JAK2: variants seen among roughly 807,000 people sequenced by gnomAD.
The protein encoded by JAK2 is Janus kinase 2.
Under a neutral mutation model 139.3 loss-of-function variants are expected in JAK2, and 86 were observed. The ratio of observed to expected loss-of-function variants is 0.62; its 90% CI spans 0.52 to 0.74. JAK2 has a LOEUF of 0.74. Among genes scored for constraint, JAK2 ranks in the 30% least tolerant of loss-of-function variants. The probability of loss-of-function intolerance (pLI) is 0.00; values close to 1 mark genes in which losing one functional copy is unlikely to be tolerated. For synonymous variants in JAK2, 490 were observed against 437.7 expected, an observed-to-expected ratio of 1.12 and a Z score of -1.49; for missense variants, 1,421 against 1,360.3, an observed-to-expected ratio of 1.04 and a Z score of -0.70.
chr9:5,057,794 G>A (rs1336682863), intron 8 of JAK2, among the ~76,000 whole-genome samples: 1 of 151,842 alleles, frequency 6.6e-6, no homozygotes, highest in Non-Finnish European at 1.5e-5. Context: ...TGTTGGCCAG[G>A]TTGGTCTTGA....
At chr9:5,001,054 T>C (rs1483694922) in intron 2 of JAK2, among the ~76,000 whole-genome samples, 2 of 152,236 alleles carry the variant, frequency 1.3e-5, no homozygotes, top group Non-Finnish European at 2.9e-5. Flanking sequence ...TTTTGTGATG[T>C]ATCCTGTGAT....
At chr9:5,098,869 T>C (rs537703734) in intron 22 of JAK2, 2 of 152,234 alleles carry the variant, frequency 1.3e-5, no homozygotes, top group Non-Finnish European at 2.9e-5. Flanking sequence ...AATTTTTTTG[T>C]ATTTTTAGTA....
upstream of JAK2, chr9:4,984,981 G>C (rs1414499768): frequency 1.3e-5 from 2 of 152,346 alleles, no homozygotes; most frequent in Non-Finnish European, 2.9e-5. Context: ...GCTGCCCTGC[G>C]TGGCCCGCGC....
chr9:5,063,290 A>G (rs1417845917), intron 8 of JAK2, among the ~76,000 whole-genome samples: 1 of 152,210 alleles, frequency 6.6e-6, no homozygotes, highest in East Asian at 1.9e-4. Context: ...AGAACTCTGT[A>G]AAGTAGTGGA....
intron 5 of JAK2, among the ~76,000 whole-genome samples, chr9:5,050,477 C>G (rs1817338437): frequency 6.6e-6 from 1 of 152,076 alleles, no homozygotes; most frequent in African/African-American, 2.4e-5. Context: ...TGCCATGTTG[C>G]CCAGGCTGGT....
At chr9:5,058,839 T>C (rs942176356) in intron 8 of JAK2, among the ~76,000 whole-genome samples, 1 of 152,200 alleles carries the variant, frequency 6.6e-6, no homozygotes, top group African/African-American at 2.4e-5. Flanking sequence ...TATATCTTCT[T>C]TGAAGAAATA....
rs756336140 is a variant in JAK2, at chr9:5,081,771, A to C, written c.2481A>C (p.Ile827=). The change falls in exon 19 of 25, where the codon ATA becomes ATC. Residue 827 remains isoleucine (I), a synonymous_variant. Transcript: ENST00000381652. ...ATGACATGTTACCAAATATGAGGAT[A>C]GGTGCCCTGGGGTTTTCTGGTGCCT... ...TENDMLPNMR[I]GALGFSGAFE... 1.2e-6 allele frequency: 2 copies of C among 1,602,048 alleles called. No homozygotes were observed. The highest frequency in any genetic ancestry group is 4.5e-5 in the East Asian group (2 of 44,830).
chr9:5,108,547 T>C (rs977774677), intron 22 of JAK2: 6 of 152,106 alleles, frequency 3.9e-5, no homozygotes, highest in Non-Finnish European at 7.3e-5. Context: ...AAAATAACTC[T>C]ATTCGGACTT....
intron 12 of JAK2, among the ~76,000 whole-genome samples, chr9:5,070,791 G>C (rs186483445): frequency 2.0e-5 from 3 of 152,148 alleles, no homozygotes; most frequent in Admixed American, 2.0e-4. Context: ...TAGTACATAA[G>C]ATCTGATAAT....
At chr9:5,113,677 G>T (rs1204390416) in intron 22 of JAK2, 1 of 165,558 alleles carries the variant, frequency 6.0e-6, no homozygotes, top group South Asian at 1.7e-4. Context: ...CTGTGACCTG[G>T]GACACAGGCT....
intron 22 of JAK2, chr9:5,112,134 G>A (rs1019741230): frequency 3.2e-6 from 1 of 312,720 alleles, no homozygotes; most frequent in Middle Eastern, 1.2e-3. Flanking sequence ...GCCACGCCAT[G>A]GGCACGGCTA....
At chr9:5,109,152 A>G (rs956369422) in intron 22 of JAK2, 9 of 152,160 alleles carry the variant, frequency 5.9e-5, no homozygotes, top group Non-Finnish European at 1.3e-4. Flanking sequence ...ACATGTACCA[A>G]TCACAACACA....
chr9:5,113,999 G>A (rs1332706486), intron 22 of JAK2: 1 of 275,918 alleles, frequency 3.6e-6, no homozygotes, highest in African/African-American at 2.2e-5. Flanking sequence ...AGGATGGGCA[G>A]GTCGTGGATG....
intron 3 of JAK2, among the ~76,000 whole-genome samples, chr9:5,023,988 G>A (rs1822609954): frequency 6.6e-6 from 1 of 152,124 alleles, no homozygotes; most frequent in Non-Finnish European, 1.5e-5. Flanking sequence ...CGGGCACGGT[G>A]GCTTACACCT....
intron 22 of JAK2, among the ~76,000 whole-genome samples, chr9:5,120,157 C>A (rs11788963): frequency 0.26 from 40,064 of 152,138 alleles, 5,476 homozygotes; most frequent in Admixed American, 0.3. Context: ...TTGCTGCTTC[C>A]TCCTTCAGAG....
intron 4 of JAK2, among the ~76,000 whole-genome samples, chr9:5,034,600 A>C (rs1245356689): frequency 2.6e-5 from 4 of 152,054 alleles, no homozygotes; most frequent in Admixed American, 2.0e-4. Context: ...AAAACCACTC[A>C]ACTACATGGA....
intron 4 of JAK2, among the ~76,000 whole-genome samples, chr9:5,035,416 C>T (rs988588226): frequency 2.6e-5 from 4 of 152,174 alleles, no homozygotes; most frequent in African/African-American, 9.7e-5. Flanking sequence ...CAAAGCCTGG[C>T]AGAGACACAA....
intron 22 of JAK2, among the ~76,000 whole-genome samples, chr9:5,120,076 A>T (rs187321421): frequency 6.6e-6 from 1 of 152,356 alleles, no homozygotes; most frequent in Admixed American, 6.5e-5. Flanking sequence ...AGAGGTTAGG[A>T]GTCCATGAAA....
rs112970254 is a variant in JAK2 at position 4,988,609 on chromosome 9, C to T, written c.-26+2587C>T. Among the ~76,000 whole-genome samples, 940 of 152,310 alleles carry T rather than the reference C, an allele frequency of 6.2e-3. 11 individuals carry two copies. Among genetic ancestry groups the T allele is most frequent in the African/African-American group, 0.022 (898 of 41,568 alleles). On this transcript the variant is annotated intron_variant, in intron 2 of 24. Coordinates refer to ENST00000381652, the MANE Select transcript of JAK2 (RefSeq NM_004972.4). ...TTCTGATAAAATTATTGATATAAAG[C>T]TAGTACCAGCTGATCATGGCTTAAT...
Sources: allele counts gnomAD v4.1 joint callset (sites outside exome capture counted in the v4.1 genomes callset), GRCh38; gene constraint gnomAD v4.1.1; transcripts MANE v1.5; gene names NCBI Gene and HGNC (gene_info 2026-07-23, HGNC 2026-07-21).